The following CSTPP1 variants were observed in gnomAD, a reference collection of about 807,000 sequenced individuals.
CSTPP1 encodes the protein centriolar satellite-associated tubulin polyglutamylase complex regulator 1, also known as UPF0705 protein C11orf49.
At chr11:47,006,574 C>G in the CSTPP1 span, among the ~76,000 whole-genome samples, 5 of 151,302 alleles carry the variant, frequency 3.3e-5, no homozygotes, top group African/African-American at 4.9e-5. Context: ...GTTCTACTCT[C>G]TCTCTGTCTC....
At chr11:47,145,573 T>C in the CSTPP1 span, among the ~76,000 whole-genome samples, 1 of 151,886 alleles carries the variant, frequency 6.6e-6, no homozygotes, top group African/African-American at 2.4e-5. Flanking sequence ...GATCGCACCA[T>C]TGCACTCCAG....
chr11:46,953,060 G>T, the CSTPP1 span, among the ~76,000 whole-genome samples: 1 of 152,122 alleles, frequency 6.6e-6, no homozygotes, highest in Non-Finnish European at 1.5e-5. Context: ...GGGGACGTGG[G>T]GGTGGAGAGT....
chr11:46,992,348 C>A, the CSTPP1 span, among the ~76,000 whole-genome samples: 1 of 151,652 alleles, frequency 6.6e-6, no homozygotes, highest in Non-Finnish European at 1.5e-5. Flanking sequence ...ATTAACTTGT[C>A]ATTTACATTG....
chr11:47,040,239 C>A, the CSTPP1 span, among the ~76,000 whole-genome samples: 521 of 128,918 alleles, frequency 4.0e-3, 35 homozygotes, highest in African/African-American at 0.012. Context: ...GCATCAGACA[C>A]ACCCAAATTC....
At chr11:46,959,163 T>A in the CSTPP1 span, among the ~76,000 whole-genome samples, 1 of 152,012 alleles carries the variant, frequency 6.6e-6, no homozygotes, top group Non-Finnish European at 1.5e-5. Flanking sequence ...TTTCTGAGAA[T>A]ATTAATTGTA....
the CSTPP1 span, among the ~76,000 whole-genome samples, chr11:47,103,042 A>G: frequency 6.6e-6 from 1 of 151,228 alleles, no homozygotes; most frequent in South Asian, 2.1e-4. Flanking sequence ...CCAAAGGCAT[A>G]CTTTGGAGAG....
At chr11:46,966,124 C>A in the CSTPP1 span, among the ~76,000 whole-genome samples, 1 of 152,140 alleles carries the variant, frequency 6.6e-6, no homozygotes, top group Admixed American at 6.5e-5. Context: ...CTCACTGCAA[C>A]CTCTACCTCC....
the CSTPP1 span, among the ~76,000 whole-genome samples, chr11:47,050,219 C>T: frequency 6.6e-6 from 1 of 152,154 alleles, no homozygotes; most frequent in Non-Finnish European, 1.5e-5. Flanking sequence ...AAGATATAGA[C>T]TTTCAATATT....
the CSTPP1 span, among the ~76,000 whole-genome samples, chr11:47,045,355 CT>C: frequency 0.078 from 11,928 of 152,148 alleles, 489 homozygotes; most frequent in Non-Finnish European, 0.089. Flanking sequence ...TGAAGTTGTC[CT>C]TTGGTAAGTT....
the CSTPP1 span, among the ~76,000 whole-genome samples, chr11:46,937,694 C>T: frequency 6.6e-6 from 1 of 152,156 alleles, no homozygotes; most frequent in African/African-American, 2.4e-5. Flanking sequence ...CCCGCCACCT[C>T]GCCCGGCTAC....
At chr11:47,128,075 C>T in the CSTPP1 span, among the ~76,000 whole-genome samples, 1 of 152,104 alleles carries the variant, frequency 6.6e-6, no homozygotes, top group Non-Finnish European at 1.5e-5. Context: ...CGAGGTTTCA[C>T]CATGTTGGCC....
the CSTPP1 span, among the ~76,000 whole-genome samples, chr11:46,984,686 G>C: frequency 6.6e-6 from 1 of 151,618 alleles, no homozygotes; most frequent in African/African-American, 2.4e-5. Flanking sequence ...CCTGGAGCTA[G>C]GGAGGAGAAG....
the CSTPP1 span, chr11:47,157,755 G>C: frequency 1.3e-6 from 2 of 1,522,348 alleles, no homozygotes; most frequent in East Asian, 4.5e-5. Flanking sequence ...TGAAAGTATG[G>C]ATGCAGAGGT....
At chr11:47,101,174 TTTTTTTTTTTTTTTTATTTTA>T in the CSTPP1 span, among the ~76,000 whole-genome samples, 1 of 87,010 alleles carries the variant, frequency 1.1e-5, no homozygotes, top group Non-Finnish European at 2.6e-5. Context: ...ATTTTTTTTT[TTTTTTTTTTTTTTTTATTTTA>T]TTTTTAGTAG....
chr11:47,013,286 G>T, the CSTPP1 span, among the ~76,000 whole-genome samples: 1 of 151,586 alleles, frequency 6.6e-6, no homozygotes, highest in African/African-American at 2.4e-5. Flanking sequence ...TACAGGATAT[G>T]CAGGTTTGTT....
chr11:47,055,617 T>C, the CSTPP1 span, among the ~76,000 whole-genome samples: 2 of 152,324 alleles, frequency 1.3e-5, no homozygotes, highest in East Asian at 1.9e-4. Flanking sequence ...GTGGGTATTA[T>C]TGTGCCCATT....
At chr11:47,050,149 G>A in the CSTPP1 span, among the ~76,000 whole-genome samples, 1 of 151,860 alleles carries the variant, frequency 6.6e-6, no homozygotes, top group African/African-American at 2.4e-5. Context: ...AAATAAAGCT[G>A]GTATTGCAAT....
chr11:47,008,343 G>T, the CSTPP1 span, among the ~76,000 whole-genome samples: 1 of 152,080 alleles, frequency 6.6e-6, no homozygotes, highest in African/African-American at 2.4e-5. Context: ...ATTATTAACT[G>T]CTTAGTGTAT....
chr11:46,971,144 T>C, the CSTPP1 span, among the ~76,000 whole-genome samples: 6 of 152,338 alleles, frequency 3.9e-5, no homozygotes, highest in Non-Finnish European at 7.4e-5. Context: ...CTCTGGGGAA[T>C]TGGCATAAGA....
Sources: gnomAD v4.1 joint callset for allele counts (sites outside exome capture counted in the v4.1 genomes callset) on GRCh38, gnomAD v4.1.1 for gene constraint, MANE v1.5 for transcripts, NCBI Gene and HGNC (gene_info 2026-07-23, HGNC 2026-07-21) for gene names.